The following FBXO25 variants were observed in gnomAD, a reference collection of about 807,000 sequenced individuals.
FBXO25 encodes F-box protein 25.
FBXO25 carries 45 observed loss-of-function variants against 51.9 expected under a neutral mutation model. The observed-to-expected ratio is 0.87, with a 90% CI of 0.68 to 1.11. The LOEUF (loss-of-function observed/expected upper bound fraction) is 1.11. FBXO25 is among the 50% of genes most tolerant of loss of function. The pLI is 0.00. For missense variants in FBXO25, 507 were observed against 428.5 expected (o/e 1.18, Z -1.62); for synonymous variants, 199 against 151.0 (o/e 1.32, Z -2.33).
intron 8 of FBXO25, among the ~76,000 whole-genome samples, chr8:460,975 T>C (rs1350988853): frequency 6.6e-6 from 1 of 152,214 alleles, no homozygotes; most frequent in African/African-American, 2.4e-5. Flanking sequence ...AAGTAAAACA[T>C]GCTCATTGCA....
chr8:422,070 A>G (rs1797187976), intron 2 of FBXO25, among the ~76,000 whole-genome samples: 3 of 152,360 alleles, frequency 2.0e-5, no homozygotes, highest in South Asian at 4.1e-4. Flanking sequence ...GATAATTGTT[A>G]TAAGCACAGT....
At chr8:467,003 A>G (rs1021057942) in intron 9 of FBXO25, among the ~76,000 whole-genome samples, 2 of 152,176 alleles carry the variant, frequency 1.3e-5, no homozygotes, top group Non-Finnish European at 2.9e-5. Flanking sequence ...AGTTGCCAGA[A>G]TAGAGGGCTG....
rs926601933 is a variant in FBXO25, at chr8:473,024, T to C, written c.*4220T>C. On this transcript the variant is annotated 3_prime_UTR_variant, in exon 10 of 10. Coordinates refer to ENST00000350302, the MANE Select transcript of FBXO25 (RefSeq NM_183420.2). ...GTAGGAGGAAAAAGAAGGACCTGCA[T>C]ACATGACTAACCAGCACCAGCCATT... 1 of 152,422 alleles carries C rather than the reference T, an allele frequency of 6.6e-6. No homozygotes were observed. Among genetic ancestry groups the C allele is most frequent in the Non-Finnish European group, 1.5e-5 (1 of 68,210 alleles). The allele number at this position is 152,422 out of a possible 1,614,324, so 9.4% of individuals were successfully genotyped here.
chr8:452,914 C>T (rs1799184494), intron 7 of FBXO25, among the ~76,000 whole-genome samples: 1 of 152,204 alleles, frequency 6.6e-6, no homozygotes, highest in Non-Finnish European at 1.5e-5. Context: ...GCTGAGCTTC[C>T]TTCTGGATCT....
chr8:453,437 T>A (rs1799218894), intron 7 of FBXO25, among the ~76,000 whole-genome samples: 2 of 152,052 alleles, frequency 1.3e-5, no homozygotes. Context: ...CAGGTTCCCT[T>A]GTAGGAGTTG....
At chr8:450,914 C>T (rs1799040679) in intron 6 of FBXO25, 1 of 207,560 alleles carries the variant, frequency 4.8e-6, no homozygotes, top group Non-Finnish European at 9.5e-6. Flanking sequence ...CACTGAGTCC[C>T]CATTCCTCCT....
chr8:409,548 A>T (rs1275878932), intron 1 of FBXO25, among the ~76,000 whole-genome samples: 2 of 152,198 alleles, frequency 1.3e-5, no homozygotes, highest in African/African-American at 2.4e-5. Flanking sequence ...CAGGCTCTTT[A>T]TGTAAATGTT....
intron 5 of FBXO25, among the ~76,000 whole-genome samples, chr8:438,766 A>G (rs1468110399): frequency 6.6e-6 from 1 of 152,164 alleles, no homozygotes; most frequent in Non-Finnish European, 1.5e-5. Flanking sequence ...CACTCCCACC[A>G]TGAAATCTTC....
chr8:467,402 G>C (rs181179928), intron 9 of FBXO25, among the ~76,000 whole-genome samples: 23 of 152,328 alleles, frequency 1.5e-4, no homozygotes, highest in African/African-American at 5.5e-4. Context: ...CTCTTCTTCA[G>C]TGAATAATTT....
At chr8:450,970 A>T (rs2116724290) in intron 6 of FBXO25, 1 of 235,810 alleles carries the variant, frequency 4.2e-6, no homozygotes, top group Admixed American at 5.6e-5. Context: ...TGTCTCTACG[A>T]GTTTGACTAC....
rs71514154 is a variant in FBXO25 at position 435,608 on chromosome 8, T to C, written c.289-7T>C. On this transcript the variant is annotated splice_region_variant and splice_polypyrimidine_tract_variant and intron_variant, in intron 4 of 9. Coordinates refer to ENST00000350302, the MANE Select transcript of FBXO25 (RefSeq NM_183420.2). ...GACTAATTTTAACTTCTGTGTTGCT[T>C]TTCCAGAGGCATGGCTATTGCACCT... 3 of 1,604,030 alleles carry C rather than the reference T, an allele frequency of 1.9e-6. No homozygotes were observed. The highest frequency in any genetic ancestry group is 1.7e-5 in the Admixed American group (1 of 57,196).
rs1051259306 is a variant in FBXO25, at chr8:473,096, A to G, written c.*4292A>G. The G allele has an allele frequency of 2.6e-5, 4 of 152,408 alleles. No homozygotes were observed. The highest frequency in any genetic ancestry group is 2.0e-4 in the Admixed American group (3 of 15,292). The allele number at this position is 152,408 out of a possible 1,614,324, so 9.4% of individuals were successfully genotyped here. On this transcript the variant is annotated 3_prime_UTR_variant, in exon 10 of 10. Coordinates refer to ENST00000350302, the MANE Select transcript of FBXO25 (RefSeq NM_183420.2). ...CAGCATCCACCCTGCACTCATATGT[A>G]TCTCAACAGAATTGCTGCTTCTGTC...
intron 2 of FBXO25, among the ~76,000 whole-genome samples, chr8:413,692 A>T (rs1439446507): frequency 6.6e-6 from 1 of 152,174 alleles, no homozygotes; most frequent in African/African-American, 2.4e-5. Flanking sequence ...CATGGTCCAA[A>T]ACGGTGTATT....
intron 2 of FBXO25, among the ~76,000 whole-genome samples, chr8:430,301 C>T (rs1006505599): frequency 6.6e-6 from 1 of 152,138 alleles, no homozygotes; most frequent in African/African-American, 2.4e-5. Context: ...CCATAAATTG[C>T]TGTTATAATG....
intron 2 of FBXO25, among the ~76,000 whole-genome samples, chr8:425,616 A>G (rs1797424971): frequency 6.6e-6 from 1 of 151,264 alleles, no homozygotes; most frequent in Non-Finnish European, 1.5e-5. Context: ...TATTATTTAA[A>G]TTTGTATTGA....
At chr8:463,288 A>T in intron 9 of FBXO25, 138 bp downstream of exon 9, 3 of 975,836 alleles carry the variant, frequency 3.1e-6, no homozygotes, top group Non-Finnish European at 4.6e-6. Context: ...TATTTTACCA[A>T]ATATTGGGGT....
chr8:451,078 G>A, intron 6 of FBXO25, 191 bp from the exon 7 acceptor site: 1 of 529,528 alleles, frequency 1.9e-6, no homozygotes, highest in South Asian at 3.0e-5. Flanking sequence ...AATGTCTTCA[G>A]GGTTCATCCA....
Position 471,013 on chromosome 8 carries a change from A to G in FBXO25, c.*2209A>G, listed in dbSNP as rs1457354337. The stretch of plus-strand genomic sequence containing the variant: ...ACTGTTACTGTCATTTAATTGTTAG[A>G]TGTTATAACAGTTCTCAGCTGTGCT... On this transcript the variant is annotated 3_prime_UTR_variant, in exon 10 of 10. Transcript: ENST00000350302. The G allele has an allele frequency of 6.6e-6, 1 of 152,088 alleles. No individual in the cohort carries two copies. The highest frequency in any genetic ancestry group is 2.4e-5 in the African/African-American group (1 of 41,438). 9.4% of individuals were successfully genotyped at this position (152,088 alleles called of 1,614,324 possible).
rs114061099 is a variant in FBXO25, at chr8:452,555, G to C, written c.660+1102G>C. On this transcript the variant is annotated intron_variant, in intron 7 of 9. Coordinates refer to ENST00000350302, the MANE Select transcript of FBXO25 (RefSeq NM_183420.2). ...CTTTCTCCTGATGAGGCAGATCCGTGGTAGTGATGTTCAGCAGGTGACCTT... is the reference window on the plus strand; with the variant it reads ...CTTTCTCCTGATGAGGCAGATCCGTCGTAGTGATGTTCAGCAGGTGACCTT... Among the ~76,000 whole-genome samples the C allele has an allele frequency of 8.3e-3, 1,265 of 152,330 alleles. 11 individuals carry two copies. The highest frequency in any genetic ancestry group is 0.029 in the African/African-American group (1,202 of 41,574).
Sources: allele counts gnomAD v4.1 joint callset (sites outside exome capture counted in the v4.1 genomes callset), GRCh38; gene constraint gnomAD v4.1.1; transcripts MANE v1.5; gene names NCBI Gene and HGNC (gene_info 2026-07-23, HGNC 2026-07-21).